Variants in LRRIQ1 observed in about 807,000 individuals in gnomAD.
LRRIQ1 encodes leucine-rich repeat- and IQ domain-containing protein 1.
Under a neutral mutation model 211.9 loss-of-function variants are expected in LRRIQ1, and 210 were observed. The ratio of observed to expected loss-of-function variants is 0.99; its 90% CI spans 0.89 to 1.11. The LOEUF (loss-of-function observed/expected upper bound fraction) is 1.11, where lower values mean the gene tolerates loss of function less well. Ranked by LOEUF, LRRIQ1 falls within the 50% of genes most tolerant of loss-of-function variation. The pLI is 0.00. For missense variants in LRRIQ1, 2,136 were observed against 1,939.5 expected (o/e 1.10, Z -1.90); for synonymous variants, 699 against 650.1 (o/e 1.08, Z -1.14).
At chr12:85,038,565 A>G (rs1352634862) in intron 2 of LRRIQ1, among the ~76,000 whole-genome samples, 1 of 151,660 alleles carries the variant, frequency 6.6e-6, no homozygotes, top group Non-Finnish European at 1.5e-5. Flanking sequence ...TGGGAAGAAA[A>G]ATGTATATGA....
At position 85,084,481 on chromosome 12, in the gene LRRIQ1, CTTA is replaced by C. The variant is rs199959519; in HGVS notation, c.2887+11389_2887+11391del. ...AAGTAACTTTTAATTGATAATAATACTTATTATTGCTAGGGTATATGTAAACTG... is the reference window on the plus strand; with the variant it reads ...AAGTAACTTTTAATTGATAATAATACTTATTGCTAGGGTATATGTAAACTG... On this transcript the variant is annotated intron_variant, in intron 11 of 26. Transcript: ENST00000393217. Among the ~76,000 whole-genome samples, 1,151 of 152,036 alleles carry C rather than the reference CTTA, an allele frequency of 7.6e-3. 19 individuals are homozygous for C. Among genetic ancestry groups the C allele is most frequent in the African/African-American group, 0.026 (1,083 of 41,472 alleles).
intron 24 of LRRIQ1, among the ~76,000 whole-genome samples, chr12:85,167,349 A>G (rs1262104045): frequency 6.6e-6 from 1 of 152,178 alleles, no homozygotes; most frequent in African/African-American, 2.4e-5. Context: ...GAAGCCCCAC[A>G]ATAGGCCATC....
At chr12:85,064,929 G>A (rs1473879767) in intron 8 of LRRIQ1, among the ~76,000 whole-genome samples, 2 of 151,740 alleles carry the variant, frequency 1.3e-5, no homozygotes, top group Non-Finnish European at 2.9e-5. Flanking sequence ...GATTACTACA[G>A]CTGTGTAGTA....
At chr12:85,048,443 C>G (rs999686644) in intron 6 of LRRIQ1, 11 of 151,892 alleles carry the variant, frequency 7.2e-5, no homozygotes, top group Non-Finnish European at 1.0e-4. Flanking sequence ...CCTCTAGTCC[C>G]AGCTACCCGG....
intron 18 of LRRIQ1, among the ~76,000 whole-genome samples, chr12:85,135,406 A>C (rs919450786): frequency 6.6e-6 from 1 of 151,772 alleles, no homozygotes; most frequent in Non-Finnish European, 1.5e-5. Context: ...AAGGAATATT[A>C]CTGGCCATTG....
At chr12:85,176,666 G>T (rs1476798651) in intron 24 of LRRIQ1, among the ~76,000 whole-genome samples, 1 of 150,550 alleles carries the variant, frequency 6.6e-6, no homozygotes, top group African/African-American at 2.4e-5. Flanking sequence ...TGGGTGCAGT[G>T]CACCAGCATG....
chr12:85,139,638 C>T (rs1312224260), intron 19 of LRRIQ1, among the ~76,000 whole-genome samples: 1 of 151,226 alleles, frequency 6.6e-6, no homozygotes, highest in East Asian at 1.9e-4. Context: ...AATTACACTG[C>T]AATAATGAAT....
chr12:85,259,094 C>A (rs941111645), intron 1 of LRRIQ1, among the ~76,000 whole-genome samples: 4 of 151,946 alleles, frequency 2.6e-5, no homozygotes, highest in African/African-American at 9.7e-5. Flanking sequence ...GCATAATCAT[C>A]AAGACATAGT....
At chr12:85,185,134 A>G (rs1892165979) in intron 24 of LRRIQ1, among the ~76,000 whole-genome samples, 1 of 151,970 alleles carries the variant, frequency 6.6e-6, no homozygotes. Context: ...AGAATGTGAT[A>G]TGCCATATTA....
chr12:85,132,161 C>T (rs1033561990), intron 18 of LRRIQ1, among the ~76,000 whole-genome samples: 3 of 152,002 alleles, frequency 2.0e-5, no homozygotes, highest in African/African-American at 4.8e-5. Flanking sequence ...TGTCACTTAG[C>T]GCTGGATGAA....
chr12:85,230,209 T>C (rs1404049733), intron 25 of LRRIQ1, among the ~76,000 whole-genome samples: 2 of 152,208 alleles, frequency 1.3e-5, no homozygotes, highest in African/African-American at 2.4e-5. Flanking sequence ...GCTTAATTAA[T>C]TTTTGTTATA....
chr12:85,090,464 T>C (rs1056900077), intron 11 of LRRIQ1, among the ~76,000 whole-genome samples: 1 of 152,196 alleles, frequency 6.6e-6, no homozygotes, highest in African/African-American at 2.4e-5. Flanking sequence ...CCTCTGGGGA[T>C]AAACCCGGTA....
rs530378091 is a variant in LRRIQ1, at chr12:85,116,266, C to A, written c.3378-5431C>A. Reference sequence around the variant, plus strand: ...CATGCCATTCTCCTGCCTCAGCCACCCGAGTAGCTGGGACTACAGGCGCCC... The same window carrying A: ...CATGCCATTCTCCTGCCTCAGCCACACGAGTAGCTGGGACTACAGGCGCCC... On this transcript the variant is annotated intron_variant, in intron 15 of 26. Coordinates refer to ENST00000393217, the MANE Select transcript of LRRIQ1 (RefSeq NM_001079910.2). 3.2e-3 allele frequency among the ~76,000 whole-genome samples: 481 copies of A among 152,236 alleles called. 2 individuals carry two copies. Among genetic ancestry groups the A allele is most frequent in the Non-Finnish European group, 5.3e-3 (362 of 68,000 alleles).
chr12:85,052,258 ATTTG>A lies in LRRIQ1; in HGVS notation c.753+10_753+13del, dbSNP rs771639581. ...GAAATTTAAACAGCATGAGGTATCT[ATTTG>A]TTGTTTTTATTTAGCACATTAAGCT... On this transcript the variant is annotated splice_region_variant and intron_variant, in intron 7 of 26. Transcript: ENST00000393217. 2 of 1,407,072 alleles carry A rather than the reference ATTTG, an allele frequency of 1.4e-6. No individual in the cohort carries two copies. The highest frequency in any genetic ancestry group is 2.0e-6 in the Non-Finnish European group (2 of 1,017,412). 87.2% of individuals were successfully genotyped at this position (1,407,072 alleles called of 1,614,324 possible).
At chr12:85,130,980 T>G (rs1888708923) in intron 18 of LRRIQ1, among the ~76,000 whole-genome samples, 1 of 149,836 alleles carries the variant, frequency 6.7e-6, no homozygotes, top group Non-Finnish European at 1.5e-5. Context: ...GAGGCCAAGG[T>G]GGGTGGATCA....
At chr12:85,232,591 T>G in intron 25 of LRRIQ1, 105 bp from the exon 26 acceptor site, 1 of 849,458 alleles carries the variant, frequency 1.2e-6, no homozygotes, top group Non-Finnish European at 1.9e-6. Flanking sequence ...TTGTTTCCAT[T>G]TTGTAAATAA....
chr12:85,216,610 A>T (rs1041307947), intron 24 of LRRIQ1, among the ~76,000 whole-genome samples: 5 of 151,808 alleles, frequency 3.3e-5, no homozygotes, highest in Non-Finnish European at 7.4e-5. Flanking sequence ...AAACAAAATC[A>T]TTGAAAATAG....
chr12:85,106,472 T>C (rs770412739), intron 14 of LRRIQ1, 50 bp from the exon 15 acceptor site: 1 of 1,263,508 alleles, frequency 7.9e-7, no homozygotes, highest in Non-Finnish European at 1.1e-6. Flanking sequence ...TTTATGATAT[T>C]TGTTCTAAAT....
chr12:85,241,808 C>A (rs935815507), intron 26 of LRRIQ1, among the ~76,000 whole-genome samples: 2 of 151,696 alleles, frequency 1.3e-5, no homozygotes, highest in Non-Finnish European at 2.9e-5. Flanking sequence ...AAAGACAATA[C>A]TTTTAAAATT....
Sources: gnomAD v4.1 joint callset for allele counts (sites outside exome capture counted in the v4.1 genomes callset) on GRCh38, gnomAD v4.1.1 for gene constraint, MANE v1.5 for transcripts, NCBI Gene and HGNC (gene_info 2026-07-23, HGNC 2026-07-21) for gene names.